CHRNA7: variants seen among roughly 807,000 people sequenced by gnomAD.
The protein encoded by CHRNA7 is cholinergic receptor nicotinic alpha 7 subunit, also known as neuronal acetylcholine receptor subunit alpha-7.
A neutral mutation model predicts 48.0 loss-of-function variants in CHRNA7; 17 were observed. The observed-to-expected ratio is 0.35, with a 90% CI of 0.24 to 0.53. The LOEUF (loss-of-function observed/expected upper bound fraction) is 0.53, where lower values mean the gene tolerates loss of function less well. CHRNA7 is among the 20% of genes least tolerant of loss of function. The probability of loss-of-function intolerance (pLI) is 0.92; values close to 1 mark genes in which losing one functional copy is unlikely to be tolerated. For missense variants in CHRNA7, 155 were observed against 577.7 expected (o/e 0.27, Z 7.50); for synonymous variants, 75 against 242.3 (o/e 0.31, Z 6.41).
intron 2 of CHRNA7, among the ~76,000 whole-genome samples, chr15:32,034,700 T>C (rs972098121): frequency 6.6e-6 from 1 of 152,198 alleles, no homozygotes; most frequent in Non-Finnish European, 1.5e-5. Flanking sequence ...CAAACCATGA[T>C]ATTTGTATTA....
intron 2 of CHRNA7, among the ~76,000 whole-genome samples, chr15:32,044,015 T>C (rs1032235256): frequency 2.0e-5 from 3 of 152,220 alleles, no homozygotes; most frequent in Non-Finnish European, 4.4e-5. Context: ...GTTTTCTGAC[T>C]TCAGTACTTC....
intron 2 of CHRNA7, among the ~76,000 whole-genome samples, chr15:32,067,591 C>G (rs543759200): frequency 6.6e-6 from 1 of 152,300 alleles, no homozygotes; most frequent in East Asian, 1.9e-4. Context: ...CAGTAAGTAA[C>G]TACCTAGGTA....
intron 2 of CHRNA7, among the ~76,000 whole-genome samples, chr15:32,092,866 C>T (rs995610628): frequency 1.3e-5 from 2 of 152,194 alleles, no homozygotes; most frequent in Non-Finnish European, 2.9e-5. Flanking sequence ...ATCTCTAACT[C>T]AGTTCCTTAG....
chr15:32,038,051 G>A (rs1343820336), intron 2 of CHRNA7, among the ~76,000 whole-genome samples: 1 of 39,024 alleles, frequency 2.6e-5, no homozygotes, highest in African/African-American at 6.0e-5. Flanking sequence ...AGGTTTTTTG[G>A]ATATGTATAT....
chr15:32,133,445 G>A, intron 4 of CHRNA7, among the ~76,000 whole-genome samples: 1 of 152,336 alleles, frequency 6.6e-6, no homozygotes, highest in Admixed American at 6.5e-5. Context: ...TGGGAGTTCA[G>A]TCAACCATCC....
Position 32,114,061 on chromosome 15 carries a change from C to CACACAT in CHRNA7, c.350+2163_350+2164insCACATA, listed in dbSNP as rs1555383701. ...ATATATATGTATATATATATATATACATATATATATATATACACATACATA... is the reference window on the plus strand; with the variant it reads ...ATATATATGTATATATATATATATACACACATATATATATATATATACACATACATA... On this transcript the variant is annotated intron_variant, in intron 4 of 9. Coordinates refer to ENST00000306901, the MANE Select transcript of CHRNA7 (RefSeq NM_000746.6). Among the ~76,000 whole-genome samples, 332 of 120,204 alleles carry CACACAT rather than the reference C, an allele frequency of 2.8e-3. 1 individual carries two copies. Among genetic ancestry groups the CACACAT allele is most frequent in the Non-Finnish European group, 4.5e-3 (267 of 59,902 alleles). 78.9% of individuals were successfully genotyped at this position (120,204 alleles called of 152,430 possible). A position where few individuals can be genotyped will look rare whatever the true frequency, so the allele number is the denominator to read the frequency against.
intron 3 of CHRNA7, 153 bp downstream of exon 3, chr15:32,101,500 A>C: frequency 5.5e-6 from 4 of 726,840 alleles, no homozygotes; most frequent in South Asian, 3.9e-5. Context: ...CCAACTCCAC[A>C]CCTGCCAACA....
intron 2 of CHRNA7, among the ~76,000 whole-genome samples, chr15:32,041,867 T>G (rs1256989166): frequency 6.6e-6 from 1 of 152,188 alleles, no homozygotes; most frequent in Non-Finnish European, 1.5e-5. Context: ...GTCTTAGGAG[T>G]TCCATCTCTG....
At chr15:32,114,047 TA>T (rs2050816336) in intron 4 of CHRNA7, among the ~76,000 whole-genome samples, 1 of 49,258 alleles carries the variant, frequency 2.0e-5, no homozygotes, top group Non-Finnish European at 4.1e-5. Context: ...TATATATGTA[TA>T]TATATATATA....
intron 4 of CHRNA7, among the ~76,000 whole-genome samples, chr15:32,126,934 A>G (rs2051076558): frequency 6.6e-6 from 1 of 152,192 alleles, no homozygotes; most frequent in Non-Finnish European, 1.5e-5. Flanking sequence ...ATTTTTGTGT[A>G]GTATATATAA....
At chr15:32,076,444 A>C (rs2050137720) in intron 2 of CHRNA7, among the ~76,000 whole-genome samples, 1 of 152,162 alleles carries the variant, frequency 6.6e-6, no homozygotes. Flanking sequence ...TTTGCTCTGA[A>C]TGCTTTATTT....
chr15:32,104,270 G>C (rs1038978132), intron 3 of CHRNA7, among the ~76,000 whole-genome samples: 1 of 151,464 alleles, frequency 6.6e-6, no homozygotes, highest in Non-Finnish European at 1.5e-5. Flanking sequence ...ACCCGAGCCC[G>C]TGCCCCCCCC....
At chr15:32,059,458 TG>T (rs1164438845) in intron 2 of CHRNA7, among the ~76,000 whole-genome samples, 5 of 152,174 alleles carry the variant, frequency 3.3e-5, no homozygotes, top group African/African-American at 1.2e-4. Context: ...ACTGTCAGAT[TG>T]GCTCCTGCAT....
intron 2 of CHRNA7, among the ~76,000 whole-genome samples, chr15:32,082,268 G>A (rs945201288): frequency 2.4e-4 from 37 of 151,524 alleles, no homozygotes; most frequent in African/African-American, 8.5e-4. Context: ...GTGAAGTGTT[G>A]GTCATTATTC....
intron 2 of CHRNA7, among the ~76,000 whole-genome samples, chr15:32,040,581 CGTGTGTGTGTGTGTATATGTGTGTAT>C (rs1368398192): frequency 1.1e-4 from 13 of 122,616 alleles, no homozygotes; most frequent in South Asian, 3.2e-4. Context: ...TTATAAGGTG[CGTGTGTGTGTGTGTATATGTGTGTAT>C]GTGTGTGTGT....
chr15:32,055,966 G>A lies in CHRNA7; in HGVS notation c.195+24929G>A, dbSNP rs557888691. On this transcript the variant is annotated intron_variant, in intron 2 of 9. Coordinates refer to ENST00000306901, the MANE Select transcript of CHRNA7 (RefSeq NM_000746.6). ...TGCACTCCAGCCTGGGTGACAGAGCGAGACTCTGTATCAAAAAAAAAAACC... is the reference window on the plus strand; with the variant it reads ...TGCACTCCAGCCTGGGTGACAGAGCAAGACTCTGTATCAAAAAAAAAAACC... Among the ~76,000 whole-genome samples the A allele has an allele frequency of 2.0e-4, 30 of 151,740 alleles. No individual in the cohort carries two copies. The South Asian group carries it at 3.1e-3, about 16-fold the overall frequency.
intron 2 of CHRNA7, among the ~76,000 whole-genome samples, chr15:32,085,461 T>C (rs2050280825): frequency 1.3e-5 from 2 of 152,246 alleles, no homozygotes; most frequent in South Asian, 2.1e-4. Flanking sequence ...TTTCACATTT[T>C]AACTTTTTTA....
intron 2 of CHRNA7, among the ~76,000 whole-genome samples, chr15:32,063,028 T>G (rs1213964864): frequency 6.6e-6 from 1 of 152,158 alleles, no homozygotes; most frequent in Non-Finnish European, 1.5e-5. Context: ...TTTGTGTATC[T>G]AAACATAGAA....
chr15:32,032,564 C>T (rs1901894638), intron 2 of CHRNA7, among the ~76,000 whole-genome samples: 1 of 152,136 alleles, frequency 6.6e-6, no homozygotes, highest in Admixed American at 6.5e-5. Context: ...GAAAAAGGAC[C>T]AGGCAGCAGA....
Sources: gnomAD v4.1 joint callset for allele counts (sites outside exome capture counted in the v4.1 genomes callset) on GRCh38, gnomAD v4.1.1 for gene constraint, MANE v1.5 for transcripts, NCBI Gene and HGNC (gene_info 2026-07-23, HGNC 2026-07-21) for gene names.